Variants in JMJD1C observed in about 807,000 individuals in gnomAD.
JMJD1C encodes the protein jumonji domain containing 1C.
A neutral mutation model predicts 245.3 loss-of-function variants in JMJD1C; 31 were observed. The observed-to-expected ratio is 0.13, with a 90% CI of 0.09 to 0.17. The LOEUF (loss-of-function observed/expected upper bound fraction) is 0.17, where lower values mean the gene tolerates loss of function less well. Among genes scored for constraint, JMJD1C ranks in the 10% least tolerant of loss-of-function variants. The probability of loss-of-function intolerance (pLI) is 1.00; values close to 1 mark genes in which losing one functional copy is unlikely to be tolerated. For missense variants in JMJD1C, 2,691 were observed against 3,000.2 expected (o/e 0.90, Z 2.41); for synonymous variants, 1,057 against 1,017.4 (o/e 1.04, Z -0.74).
At chr10:63,302,248 G>C (rs10761739) in intron 2 of JMJD1C, among the ~76,000 whole-genome samples, 58,382 of 151,956 alleles carry the variant, frequency 0.38, 11,577 homozygotes, top group South Asian at 0.5. Context: ...CTGTACTCAA[G>C]TCATCTCCCA....
intron 3 of JMJD1C, among the ~76,000 whole-genome samples, chr10:63,246,892 G>GA (rs944241975): frequency 6.6e-6 from 1 of 151,132 alleles, no homozygotes; most frequent in African/African-American, 2.4e-5. Context: ...TTAATTTCTT[G>GA]AAAAAAATGA....
intron 1 of JMJD1C, among the ~76,000 whole-genome samples, chr10:63,432,394 T>C (rs1589738223): frequency 6.6e-6 from 1 of 152,296 alleles, no homozygotes; most frequent in East Asian, 1.9e-4. Context: ...TCATACTTGG[T>C]TGTGGTCACT....
chr10:63,324,585 G>A (rs1406794341), intron 2 of JMJD1C, among the ~76,000 whole-genome samples: 1 of 152,164 alleles, frequency 6.6e-6, no homozygotes, highest in Non-Finnish European at 1.5e-5. Flanking sequence ...TTCATTCAAT[G>A]AATGCTTCTT....
chr10:63,390,237 G>C (rs528149413), intron 1 of JMJD1C, among the ~76,000 whole-genome samples: 2 of 152,088 alleles, frequency 1.3e-5, no homozygotes, highest in African/African-American at 2.4e-5. Flanking sequence ...GATCATCAGA[G>C]ACCATTATGA....
chr10:63,393,062 T>G (rs1293489414), intron 1 of JMJD1C, among the ~76,000 whole-genome samples: 1 of 150,360 alleles, frequency 6.7e-6, no homozygotes, highest in Non-Finnish European at 1.5e-5. Flanking sequence ...CGCCCAGGAG[T>G]TTGAGGCCAG....
At chr10:63,475,948 C>A (rs932863619) in intron 1 of JMJD1C, among the ~76,000 whole-genome samples, 23 of 152,108 alleles carry the variant, frequency 1.5e-4, no homozygotes, top group African/African-American at 5.6e-4. Flanking sequence ...GTGGCTCACA[C>A]CTGTAATCCC....
chr10:63,213,597 A>G lies in JMJD1C; in HGVS notation c.2570T>C (p.Leu857Pro), dbSNP rs749126634. 4 of 1,614,160 alleles carry G rather than the reference A, an allele frequency of 2.5e-6. No individual in the cohort carries two copies. The highest frequency in any genetic ancestry group is 3.3e-5 in the Admixed American group (2 of 60,022). Residue 857 changes from leucine (L) to proline (P), a missense_variant, in exon 8 of 26, where the codon CTT (leucine) becomes CCT (proline). Leu to Pro is a moderately conservative substitution (Grantham distance 98, BLOSUM62 -3). Transcript: ENST00000399262. ...QAHPSASYNQ[L>P]GLYPIIWQYP... is the part of the protein sequence containing the mutation. Reference sequence around the variant, plus strand: ...CTGCCAAATAATTGGATAAAGTCCAAGCTGATTATATGAAGCAGAAGGATG... The same window carrying G: ...CTGCCAAATAATTGGATAAAGTCCAGGCTGATTATATGAAGCAGAAGGATG...
intron 1 of JMJD1C, chr10:63,465,208 G>A (rs1050511434): frequency 2.6e-6 from 1 of 380,858 alleles, no homozygotes; most frequent in African/African-American, 2.1e-5. Context: ...TGGCCGCCCA[G>A]GCGCCACAGC....
intron 2 of JMJD1C, among the ~76,000 whole-genome samples, chr10:63,320,781 C>G (rs1022227290): frequency 6.6e-6 from 1 of 151,956 alleles, no homozygotes. Flanking sequence ...TTCCTGACAC[C>G]GAGCTCCTAA....
intron 2 of JMJD1C, among the ~76,000 whole-genome samples, chr10:63,304,917 T>C (rs1937798439): frequency 6.6e-6 from 1 of 152,106 alleles, no homozygotes; most frequent in African/African-American, 2.4e-5. Context: ...GAGGATCACT[T>C]GAAGCCAGGA....
At chr10:63,268,943 C>G (rs1246886927) in intron 2 of JMJD1C, 1 of 985,674 alleles carries the variant, frequency 1.0e-6, no homozygotes, top group Non-Finnish European at 1.2e-6. Context: ...GATTTTCTGT[C>G]TGCTCTGGCT....
chr10:63,314,579 A>C (rs1203968949), intron 2 of JMJD1C, among the ~76,000 whole-genome samples: 2 of 152,138 alleles, frequency 1.3e-5, no homozygotes, highest in Admixed American at 6.5e-5. Flanking sequence ...TTTTCCAAAC[A>C]ATTAATCATT....
At chr10:63,518,091 C>A (rs1955080672) in intron 1 of JMJD1C, among the ~76,000 whole-genome samples, 1 of 152,182 alleles carries the variant, frequency 6.6e-6, no homozygotes, top group Non-Finnish European at 1.5e-5. Flanking sequence ...CCGCACCCAG[C>A]ATAATGGCCA....
chr10:63,468,463 T>G (rs540269216), upstream of JMJD1C, among the ~76,000 whole-genome samples: 2 of 152,166 alleles, frequency 1.3e-5, no homozygotes, highest in South Asian at 4.1e-4. Flanking sequence ...ATTTAAAAAA[T>G]TTTTCAAGTT....
chr10:63,226,504 G>A (rs1589215336), intron 3 of JMJD1C, among the ~76,000 whole-genome samples: 1 of 151,638 alleles, frequency 6.6e-6, no homozygotes, highest in Non-Finnish European at 1.5e-5. Flanking sequence ...CTTGAGTCCA[G>A]GAGTTCGAGA....
intron 1 of JMJD1C, among the ~76,000 whole-genome samples, chr10:63,507,213 T>C (rs1437403787): frequency 6.6e-6 from 1 of 152,248 alleles, no homozygotes; most frequent in Non-Finnish European, 1.5e-5. Context: ...TGAATACAGC[T>C]GCTATAAACA....
intron 2 of JMJD1C, among the ~76,000 whole-genome samples, chr10:63,325,477 G>A (rs1222824919): frequency 1.3e-5 from 2 of 152,096 alleles, no homozygotes; most frequent in Admixed American, 6.5e-5. Context: ...GAGTAGCTGA[G>A]ACCACAGGCA....
chr10:63,341,260 G>A (rs1464259238), intron 2 of JMJD1C, among the ~76,000 whole-genome samples: 2 of 152,334 alleles, frequency 1.3e-5, no homozygotes, highest in African/African-American at 2.4e-5. Flanking sequence ...TGATCATGAA[G>A]CAGTACAGAA....
chr10:63,405,857 G>C (rs1209127085), intron 1 of JMJD1C, among the ~76,000 whole-genome samples: 1 of 152,104 alleles, frequency 6.6e-6, no homozygotes. Context: ...AAGGGGATGA[G>C]TAAAACAATG....
Sources: gnomAD v4.1 joint callset for allele counts (sites outside exome capture counted in the v4.1 genomes callset) on GRCh38, gnomAD v4.1.1 for gene constraint, MANE v1.5 for transcripts, NCBI Gene and HGNC (gene_info 2026-07-23, HGNC 2026-07-21) for gene names.